Variants in EBF1 observed in about 807,000 individuals in gnomAD.
EBF1 encodes transcription factor COE1.
A neutral mutation model predicts 68.4 loss-of-function variants in EBF1; 10 were observed. That is an observed-to-expected ratio of 0.15 (90% CI 0.09 to 0.25). The LOEUF is 0.25. Among genes scored for constraint, EBF1 ranks in the 10% least tolerant of loss-of-function variants. The pLI, the probability that EBF1 is intolerant of heterozygous loss-of-function variation, is 1.00. For synonymous variants in EBF1, 298 were observed against 299.8 expected, an observed-to-expected ratio of 0.99 and a Z score of 0.06; for missense variants, 509 against 794.4, an observed-to-expected ratio of 0.64 and a Z score of 4.32.
chr5:158,883,056 C>T (rs1799190230), intron 6 of EBF1, among the ~76,000 whole-genome samples: 1 of 151,968 alleles, frequency 6.6e-6, no homozygotes, highest in South Asian at 2.1e-4. Context: ...CCATAAAATG[C>T]CTGCAGCCAT....
At chr5:158,778,939 T>C (rs1028107146) in intron 9 of EBF1, among the ~76,000 whole-genome samples, 6 of 152,202 alleles carry the variant, frequency 3.9e-5, no homozygotes, top group African/African-American at 1.4e-4. Context: ...TTTATTCCGC[T>C]TCTTTGTCTT....
chr5:158,989,460 A>G (rs1211606164), intron 6 of EBF1, among the ~76,000 whole-genome samples: 1 of 152,178 alleles, frequency 6.6e-6, no homozygotes, highest in African/African-American at 2.4e-5. Context: ...GCTCTTGGAA[A>G]ACCTCAGACA....
intron 15 of EBF1, among the ~76,000 whole-genome samples, chr5:158,705,208 T>A (rs771475376): frequency 6.6e-6 from 1 of 152,190 alleles, no homozygotes; most frequent in Non-Finnish European, 1.5e-5. Context: ...CTCAAAGACC[T>A]GACCTCAGGT....
intron 8 of EBF1, among the ~76,000 whole-genome samples, chr5:158,798,420 T>C (rs1322037235): frequency 6.6e-6 from 1 of 152,172 alleles, no homozygotes; most frequent in Non-Finnish European, 1.5e-5. Flanking sequence ...ATTTTTTTAA[T>C]CACACACACA....
At chr5:158,733,262 T>C (rs908564551) in intron 10 of EBF1, among the ~76,000 whole-genome samples, 4 of 152,200 alleles carry the variant, frequency 2.6e-5, no homozygotes, top group Non-Finnish European at 2.9e-5. Flanking sequence ...AAATGCATCA[T>C]TTTAATATCT....
chr5:159,082,792 T>C (rs554339318), intron 5 of EBF1, among the ~76,000 whole-genome samples: 5 of 152,336 alleles, frequency 3.3e-5, no homozygotes, highest in South Asian at 2.1e-4. Context: ...AATACGGCTT[T>C]TCCCTCTTAG....
chr5:158,816,672 G>T (rs1783806128), intron 8 of EBF1, among the ~76,000 whole-genome samples: 1 of 152,024 alleles, frequency 6.6e-6, no homozygotes, highest in South Asian at 2.1e-4. Context: ...AAATAATGCA[G>T]CAGTCCTCTA....
intron 6 of EBF1, among the ~76,000 whole-genome samples, chr5:158,862,504 T>G (rs965019722): frequency 1.3e-5 from 2 of 152,174 alleles, no homozygotes; most frequent in African/African-American, 4.8e-5. Context: ...TAACTACAAA[T>G]GAAGGCTATC....
chr5:158,762,930 G>A (rs923655795), intron 10 of EBF1, among the ~76,000 whole-genome samples: 5 of 152,050 alleles, frequency 3.3e-5, no homozygotes, highest in South Asian at 2.1e-4. Context: ...TTCTGGACTC[G>A]TTCATTGTTA....
chr5:158,758,915 C>A (rs1423153213), intron 10 of EBF1, among the ~76,000 whole-genome samples: 1 of 152,118 alleles, frequency 6.6e-6, no homozygotes, highest in East Asian at 1.9e-4. Context: ...ATATTTATCA[C>A]CACATTTCCT....
At position 158,702,743 on chromosome 5, in the gene EBF1, C is replaced by CAAAA. The variant is rs58496050; in HGVS notation, c.1745-3605_1745-3602dup. Among the ~76,000 whole-genome samples, 41 of 41,620 alleles carry CAAAA rather than the reference C, an allele frequency of 9.9e-4. 1 individual carries two copies. The highest frequency in any genetic ancestry group is 1.7e-3 in the South Asian group (1 of 594). 27.3% of individuals were successfully genotyped at this position (41,620 alleles called of 152,430 possible). A position where few individuals can be genotyped will look rare whatever the true frequency, so the allele number is the denominator to read the frequency against. On this transcript the variant is annotated intron_variant, in intron 15 of 15. Transcript: ENST00000313708. The stretch of plus-strand genomic sequence containing the variant: ...TGGGCTACAGAGGGAGACTCCTTCT[C>CAAAA]AAAAAAAAAAAAAAAAAAAAAAAAA...
chr5:158,964,766 C>A (rs1216571026), intron 6 of EBF1, among the ~76,000 whole-genome samples: 1 of 152,170 alleles, frequency 6.6e-6, no homozygotes, highest in African/African-American at 2.4e-5. Flanking sequence ...ACCAAGTGCT[C>A]TAATTTTCAT....
At chr5:158,770,864 A>G (rs1773738856) in intron 10 of EBF1, among the ~76,000 whole-genome samples, 2 of 152,138 alleles carry the variant, frequency 1.3e-5, no homozygotes, top group African/African-American at 4.8e-5. Flanking sequence ...CTGGACACGT[A>G]CCAGGTTTGA....
intron 8 of EBF1, among the ~76,000 whole-genome samples, chr5:158,808,560 G>A (rs910965061): frequency 2.0e-5 from 3 of 152,080 alleles, no homozygotes; most frequent in South Asian, 2.1e-4. Context: ...ACCAGCTTGG[G>A]CAAATTACTT....
chr5:158,778,021 T>G (rs1226626285), intron 9 of EBF1, among the ~76,000 whole-genome samples: 3 of 152,056 alleles, frequency 2.0e-5, no homozygotes, highest in African/African-American at 4.8e-5. Context: ...ATTTGGTGTA[T>G]TAACTACCAG....
chr5:158,977,162 G>A (rs1286201685), intron 6 of EBF1, among the ~76,000 whole-genome samples: 1 of 152,190 alleles, frequency 6.6e-6, no homozygotes, highest in East Asian at 1.9e-4. Flanking sequence ...CTGAGTAGAT[G>A]CAAACCACAA....
Position 158,812,350 on chromosome 5 carries a change from G to A in EBF1, c.778+10826C>T, listed in dbSNP as rs148187401. Among the ~76,000 whole-genome samples the A allele has an allele frequency of 1.1e-3, 164 of 152,294 alleles. 1 individual carries two copies. Among genetic ancestry groups the A allele is most frequent in the African/African-American group, 3.7e-3 (153 of 41,572 alleles). ...ACACCCACAATGGGCTTCTTAGGTT[G>A]ACAACTGGTGGCTACGTGGAGTCCC... On this transcript the variant is annotated intron_variant, in intron 8 of 15. Transcript: ENST00000313708.
At chr5:158,768,559 C>T (rs996977266) in intron 10 of EBF1, among the ~76,000 whole-genome samples, 15 of 151,984 alleles carry the variant, frequency 9.9e-5, no homozygotes, top group Non-Finnish European at 1.9e-4. Context: ...TTTATTGGTG[C>T]TTCCTAAATG....
At chr5:158,772,034 G>A (rs1255629132) in intron 10 of EBF1, among the ~76,000 whole-genome samples, 2 of 152,082 alleles carry the variant, frequency 1.3e-5, no homozygotes, top group East Asian at 3.9e-4. Context: ...TGGTTTGACT[G>A]GAGCATCATA....
Sources: allele counts gnomAD v4.1 joint callset (sites outside exome capture counted in the v4.1 genomes callset), GRCh38; gene constraint gnomAD v4.1.1; transcripts MANE v1.5; gene names NCBI Gene and HGNC (gene_info 2026-07-23, HGNC 2026-07-21).